SLC25A3: variants seen among roughly 807,000 people sequenced by gnomAD.
SLC25A3 encodes the protein solute carrier family 25 member 3.
Under a neutral mutation model 37.1 loss-of-function variants are expected in SLC25A3, and 14 were observed. That is an observed-to-expected ratio of 0.38 (90% CI 0.25 to 0.59). SLC25A3 has a LOEUF of 0.59. Among genes scored for constraint, SLC25A3 ranks in the 20% least tolerant of loss-of-function variants. The pLI is 0.67. For missense variants in SLC25A3, 385 were observed against 458.1 expected (o/e 0.84, Z 1.46); for synonymous variants, 161 against 168.7 (o/e 0.95, Z 0.36).
rs1032960714 is a variant in SLC25A3 at position 98,606,354 on chromosome 12, A to G, written c.*4826A>G. 8 of 152,232 alleles carry G rather than the reference A, an allele frequency of 5.3e-5. No individual in the cohort carries two copies. The East Asian group carries it at 1.5e-3, about 29-fold the overall frequency. The allele number at this position is 152,232 out of a possible 1,614,324, so 9.4% of individuals were successfully genotyped here. A position where few individuals can be genotyped will look rare whatever the true frequency, so the allele number is the denominator to read the frequency against. On this transcript the variant is annotated 3_prime_UTR_variant, in exon 8 of 8. Transcript: ENST00000552981. ...TGTAAAAATTAAAAAATTAAACATA[A>G]ATAAAAGTTCAAACTATGTGTTGAA...
Position 98,601,435 on chromosome 12 carries a change from C to T in SLC25A3, c.993C>T (p.Ile331=). 1 of 1,613,984 alleles carries T rather than the reference C, an allele frequency of 6.2e-7. No homozygotes were observed. Among genetic ancestry groups the T allele is most frequent in the African/African-American group, 1.3e-5 (1 of 75,028 alleles). ...CCCTGACTGCACTACAGTGGTTTAT[C>T]TATGACTCCGTGAAGGTCTACTTCA... ...IGTLTALQWF[I]YDSVKVYFRL... The change falls in exon 8 of 8, where the codon ATC becomes ATT. Residue 331 remains isoleucine (I), a synonymous_variant. Coordinates refer to ENST00000552981, the MANE Select transcript of SLC25A3 (RefSeq NM_002635.4).
At chr12:98,594,249 G>A (rs1565828697) in intron 2 of SLC25A3, 114 bp downstream of exon 2, 2 of 896,674 alleles carry the variant, frequency 2.2e-6, no homozygotes, top group Non-Finnish European at 3.6e-6. Flanking sequence ...CCGCTGCACC[G>A]TAGGACGGCG....
intron 2 of SLC25A3, chr12:98,594,368 C>T (rs1367316702): frequency 5.7e-6 from 4 of 701,520 alleles, no homozygotes; most frequent in African/African-American, 1.7e-5. Flanking sequence ...CCCTTCGTGA[C>T]CTCCGTGTGC....
In SLC25A3 at chr12:98,601,825, G is replaced by T; in HGVS notation, c.*297G>T. The T allele has an allele frequency of 3.2e-6, 1 of 315,314 alleles. No individual in the cohort carries two copies. Among genetic ancestry groups the T allele is most frequent in the Non-Finnish European group, 6.0e-6 (1 of 168,024 alleles). 19.5% of individuals were successfully genotyped at this position (315,314 alleles called of 1,614,324 possible). On this transcript the variant is annotated 3_prime_UTR_variant, in exon 8 of 8. Coordinates refer to ENST00000552981, the MANE Select transcript of SLC25A3 (RefSeq NM_002635.4). ...ACAAAACTGACCATGACCATTGTTG[G>T]TTGAATATTCCAGTTGCTATTCAGA...
chr12:98,600,710 C>A (rs2097597186), intron 6 of SLC25A3, among the ~76,000 whole-genome samples: 1 of 152,152 alleles, frequency 6.6e-6, no homozygotes, highest in South Asian at 2.1e-4. Flanking sequence ...CCGCGCCTGG[C>A]CTGATTTTTG....
At chr12:98,593,917 C>A in intron 1 of SLC25A3, 58 bp from the exon 2 acceptor site, 1 of 1,606,884 alleles carries the variant, frequency 6.2e-7, no homozygotes, top group Admixed American at 1.7e-5. Flanking sequence ...TTCCAGGGCG[C>A]CGGTAACGTT....
In SLC25A3 at chr12:98,595,705, GGT is replaced by G. The variant is rs2097592467; in HGVS notation, c.158-17_158-16del. 1.9e-6 allele frequency: 3 copies of G among 1,614,060 alleles called. No individual in the cohort carries two copies. In the African/African-American group the frequency reaches 4.0e-5, roughly 22 times the overall value. ...ACATGAGTTTTATATTAAAATGCAT[GGT>G]GTGTCTTCTCTTACTACAGAGTACA... On this transcript the variant is annotated intron_variant, in intron 2 of 7. Transcript: ENST00000552981.
rs1451720565 is a variant in SLC25A3 at position 98,603,650 on chromosome 12, T to G, written c.*2122T>G. 6.6e-6 allele frequency: 1 copy of G among 152,176 alleles called. No homozygotes were observed. The highest frequency in any genetic ancestry group is 2.4e-5 in the African/African-American group (1 of 41,446). The allele number at this position is 152,176 out of a possible 1,614,324, so 9.4% of individuals were successfully genotyped here. On this transcript the variant is annotated 3_prime_UTR_variant, in exon 8 of 8. Coordinates refer to ENST00000552981, the MANE Select transcript of SLC25A3 (RefSeq NM_002635.4). Reference sequence around the variant, plus strand: ...CAGTTCTGCCAATCAGGATTCAAGTTTTATTTCCTAAGAGTTATAATAGGT... The same window carrying G: ...CAGTTCTGCCAATCAGGATTCAAGTGTTATTTCCTAAGAGTTATAATAGGT...
chr12:98,605,751 C>CA lies in SLC25A3; in HGVS notation c.*4224dup, dbSNP rs2097600872. 1 of 151,774 alleles carries CA rather than the reference C, an allele frequency of 6.6e-6. No individual in the cohort carries two copies. The highest frequency in any genetic ancestry group is 2.0e-4 in the East Asian group (1 of 5,122). 9.4% of individuals were successfully genotyped at this position (151,774 alleles called of 1,614,324 possible). A position where few individuals can be genotyped will look rare whatever the true frequency, so the allele number is the denominator to read the frequency against. On this transcript the variant is annotated 3_prime_UTR_variant, in exon 8 of 8. Transcript: ENST00000552981. ...AGGAGAATTGCTTGAACCCGGGAGG[C>CA]AGAGGTTGCAGTGAGCCAAGATTGT... is the stretch of plus-strand genomic sequence containing the variant.
In SLC25A3 at chr12:98,598,558, G is replaced by A; in HGVS notation, c.496G>A (p.Ala166Thr). The change falls in exon 5 of 8, where the codon GCT (alanine) becomes ACT (threonine). Residue 166 changes from alanine to threonine, a missense_variant. Ala to Thr is a moderately conservative substitution (Grantham distance 58). Around this residue, in one of 2 missense-constraint regions of SLC25A3, gnomAD observed 276 missense variants for 367.6 expected, o/e 0.75. Coordinates refer to ENST00000552981, the MANE Select transcript of SLC25A3 (RefSeq NM_002635.4). ...TCTCTGGCGCACATCACTATATTTG[G>A]CTGCCTCTGCCAGTGCTGAATTCTT... is the stretch of plus-strand genomic sequence containing the variant. Reference protein sequence around the residue: ...TYLWRTSLYLAASASAEFFAD... With the variant: ...TYLWRTSLYLTASASAEFFAD... 6.2e-7 allele frequency: 1 copy of A among 1,613,282 alleles called. No individual in the cohort carries two copies. Among genetic ancestry groups the A allele is most frequent in the African/African-American group, 1.3e-5 (1 of 74,970 alleles).
At chr12:98,599,392 TAAA>T (rs1175938362) in intron 5 of SLC25A3, among the ~76,000 whole-genome samples, 2 of 152,340 alleles carry the variant, frequency 1.3e-5, no homozygotes, top group East Asian at 3.9e-4. Context: ...CCAGACTTTT[TAAA>T]AAGACTATTA....
At chr12:98,594,852 G>A (rs1256650117) in intron 2 of SLC25A3, 1 of 176,950 alleles carries the variant, frequency 5.7e-6, no homozygotes, top group Non-Finnish European at 1.2e-5. Context: ...CTGTAAAATC[G>A]AAAGATTTTT....
intron 6 of SLC25A3, 125 bp downstream of exon 6, chr12:98,600,252 C>A: frequency 1.4e-6 from 1 of 733,568 alleles, no homozygotes; most frequent in Non-Finnish European, 2.4e-6. Flanking sequence ...TTTTTGGTTT[C>A]CCTGAGGCAT....
In SLC25A3 at chr12:98,593,699, A is replaced by T. The variant is rs1267948960; in HGVS notation, c.-46A>T. On this transcript the variant is annotated 5_prime_UTR_variant, in exon 1 of 8. Transcript: ENST00000552981. ...AGGACGTCCGGCCTCTGTGAGCCGC[A>T]ACCTTTCCAAGGGAGTGGTTGTGTG... 7.5e-6 allele frequency: 4 copies of T among 536,190 alleles called. No individual in the cohort carries two copies. The highest frequency in any genetic ancestry group is 1.9e-5 in the African/African-American group (1 of 52,562). The allele number at this position is 536,190 out of a possible 1,614,324, so 33.2% of individuals were successfully genotyped here. A position where few individuals can be genotyped will look rare whatever the true frequency, so the allele number is the denominator to read the frequency against.
intron 3 of SLC25A3, among the ~76,000 whole-genome samples, chr12:98,596,669 G>A (rs1003487983): frequency 2.0e-5 from 3 of 151,964 alleles, no homozygotes; most frequent in African/African-American, 7.3e-5. Flanking sequence ...TAAAGAACTA[G>A]CATATGTTAG....
intron 6 of SLC25A3, 125 bp downstream of exon 6, chr12:98,600,252 C>T: frequency 1.4e-6 from 1 of 733,568 alleles, no homozygotes; most frequent in Non-Finnish European, 2.4e-6. Flanking sequence ...TTTTTGGTTT[C>T]CCTGAGGCAT....
rs1290449597 is a variant in SLC25A3 at position 98,594,044 on chromosome 12, G to T, written c.66G>T (p.Val22=). ...TCAACACGCCACATCTGCAGCTGGT[G>T]CACGATGGTCTCGGGGACCTCCGCA... is the stretch of plus-strand genomic sequence containing the variant. ...NPFNTPHLQL[V]HDGLGDLRSS... The change falls in exon 2 of 8, where the codon GTG becomes GTT. Residue 22 remains valine (V), a synonymous_variant. Transcript: ENST00000552981. 4 of 1,613,544 alleles carry T rather than the reference G, an allele frequency of 2.5e-6. No individual in the cohort carries two copies. In the East Asian group the frequency reaches 8.9e-5, roughly 36 times the overall value.
chr12:98,603,661 A>C lies in SLC25A3; in HGVS notation c.*2133A>C, dbSNP rs566613229. On this transcript the variant is annotated 3_prime_UTR_variant, in exon 8 of 8. Coordinates refer to ENST00000552981, the MANE Select transcript of SLC25A3 (RefSeq NM_002635.4). ...ATCAGGATTCAAGTTTTATTTCCTA[A>C]GAGTTATAATAGGTTTTATTTGTGG... 3 of 152,244 alleles carry C rather than the reference A, an allele frequency of 2.0e-5. No individual in the cohort carries two copies. The highest frequency in any genetic ancestry group is 6.5e-5 in the Admixed American group (1 of 15,290). 9.4% of individuals were successfully genotyped at this position (152,244 alleles called of 1,614,324 possible). A position where few individuals can be genotyped will look rare whatever the true frequency, so the allele number is the denominator to read the frequency against.
intron 3 of SLC25A3, 151 bp downstream of exon 3, chr12:98,595,999 T>A: frequency 1.3e-6 from 1 of 761,304 alleles, no homozygotes; most frequent in Non-Finnish European, 2.3e-6. Flanking sequence ...TTATTTTGAC[T>A]AGTGTTTTAA....
Sources: gnomAD v4.1 joint callset for allele counts (sites outside exome capture counted in the v4.1 genomes callset) on GRCh38, gnomAD v4.1.1 for gene constraint, gnomAD v4.1.1 regional missense constraint, MANE v1.5 for transcripts, NCBI Gene and HGNC (gene_info 2026-07-23, HGNC 2026-07-21) for gene names.